The following FLACC1 variants were observed in gnomAD, a reference collection of about 807,000 sequenced individuals.
The protein encoded by FLACC1 is flagellum-associated coiled-coil domain-containing protein 1.
Under a neutral mutation model 62.8 loss-of-function variants are expected in FLACC1, and 66 were observed. The observed-to-expected ratio is 1.05, with a 90% CI of 0.86 to 1.29. The LOEUF is 1.29. Ranked by LOEUF, FLACC1 falls within the 50% of genes most tolerant of loss-of-function variation. The pLI is 0.00. For missense variants in FLACC1, 452 were observed against 489.1 expected (o/e 0.92, Z 0.71); for synonymous variants, 156 against 161.0 (o/e 0.97, Z 0.24).
In FLACC1 at chr2:201,348,407, C is replaced by CCTGA. The variant is rs1211848242; in HGVS notation, c.186-109_186-106dup. 5.7e-5 allele frequency: 68 copies of CCTGA among 1,193,358 alleles called. 1 individual carries two copies. The highest frequency in any genetic ancestry group is 1.3e-5 in the Non-Finnish European group (11 of 848,956). The allele number at this position is 1,193,358 out of a possible 1,614,324, so 73.9% of individuals were successfully genotyped here. A position where few individuals can be genotyped will look rare whatever the true frequency, so the allele number is the denominator to read the frequency against. On this transcript the variant is annotated intron_variant, in intron 3 of 14. Transcript: ENST00000392257. ...CCACCATCTGACTTCTGCTCTCTGA[C>CCTGA]CTGACCTTCTTAGGGGATCCCTAGG...
intron 11 of FLACC1, among the ~76,000 whole-genome samples, chr2:201,304,721 G>T (rs1452854260): frequency 6.6e-6 from 1 of 152,134 alleles, no homozygotes; most frequent in Non-Finnish European, 1.5e-5. Flanking sequence ...CATGGTACTG[G>T]TACCAAAACA....
chr2:201,326,276 C>T lies in FLACC1; in HGVS notation c.675+4194G>A, dbSNP rs1424872977. ...GAACAAGACAAGATGGCCACCTTCACTTTCACCACTCTCATTCAACATAGT... is the reference window on the plus strand; with the variant it reads ...GAACAAGACAAGATGGCCACCTTCATTTTCACCACTCTCATTCAACATAGT... On this transcript the variant is annotated intron_variant, in intron 9 of 14. Coordinates refer to ENST00000392257, the MANE Select transcript of FLACC1 (RefSeq NM_001127391.3). The surrounding 1 kb of genome is among the most constrained non-coding windows in gnomAD (Gnocchi z 4.1). 1.3e-5 allele frequency among the ~76,000 whole-genome samples: 2 copies of T among 152,168 alleles called. No individual in the cohort carries two copies. Among genetic ancestry groups the T allele is most frequent in the East Asian group, 1.9e-4 (1 of 5,198 alleles).
intron 9 of FLACC1, among the ~76,000 whole-genome samples, chr2:201,313,759 C>T (rs1009305870): frequency 2.0e-5 from 3 of 152,136 alleles, no homozygotes; most frequent in African/African-American, 7.2e-5. Flanking sequence ...CCAACCAGCA[C>T]AAAAATAGTG....
intron 9 of FLACC1, among the ~76,000 whole-genome samples, chr2:201,320,713 C>T (rs1485372634): frequency 1.3e-5 from 2 of 152,210 alleles, no homozygotes; most frequent in East Asian, 3.9e-4. Flanking sequence ...CGCAAGCCCA[C>T]CTGAACCAAC....
chr2:201,311,410 A>T (rs1420297136), intron 9 of FLACC1, among the ~76,000 whole-genome samples: 1 of 152,186 alleles, frequency 6.6e-6, no homozygotes, highest in African/African-American at 2.4e-5. Flanking sequence ...TGCAAATTGA[A>T]TCCAGCTACA....
chr2:201,289,371 G>GTCTA, intron 14 of FLACC1, 86 bp downstream of exon 14: 1 of 1,269,792 alleles, frequency 7.9e-7, no homozygotes, highest in South Asian at 1.3e-5. Context: ...GGAGCAGTTG[G>GTCTA]TCTATCTTCC....
rs574739129 is a variant in FLACC1 at position 201,302,284 on chromosome 2, G to A, written c.880-2984C>T. Reference sequence around the variant, plus strand: ...AAAAAAGGCAGGGGTTGCAATCCTAGTCTCTGATAAAACAGACTTTAAACC... The same window carrying A: ...AAAAAAGGCAGGGGTTGCAATCCTAATCTCTGATAAAACAGACTTTAAACC... On this transcript the variant is annotated intron_variant, in intron 11 of 14. Transcript: ENST00000392257. 2.1e-4 allele frequency among the ~76,000 whole-genome samples: 32 copies of A among 152,258 alleles called. 1 individual carries two copies. Among genetic ancestry groups the A allele is most frequent in the African/African-American group, 6.7e-4 (28 of 41,542 alleles).
chr2:201,348,735 G>C (rs959135177), intron 3 of FLACC1, among the ~76,000 whole-genome samples: 2 of 151,924 alleles, frequency 1.3e-5, no homozygotes, highest in Non-Finnish European at 2.9e-5. Context: ...AAATGTTCCA[G>C]AAAATGAAAT....
At chr2:201,296,806 C>A (rs1287191822) in intron 12 of FLACC1, among the ~76,000 whole-genome samples, 1 of 152,072 alleles carries the variant, frequency 6.6e-6, no homozygotes, top group Non-Finnish European at 1.5e-5. Flanking sequence ...AACCTAAGAA[C>A]AATGGGGACC....
At chr2:201,321,643 C>G (rs907437965) in intron 9 of FLACC1, among the ~76,000 whole-genome samples, 1 of 152,124 alleles carries the variant, frequency 6.6e-6, no homozygotes, top group African/African-American at 2.4e-5. Flanking sequence ...GTATGAGAGA[C>G]GTTCACAATT....
intron 12 of FLACC1, among the ~76,000 whole-genome samples, chr2:201,292,959 CAAG>C (rs1949771958): frequency 6.6e-6 from 1 of 152,148 alleles, no homozygotes; most frequent in Non-Finnish European, 1.5e-5. Flanking sequence ...ATTAATTCAA[CAAG>C]AAGAGCTAAC....
chr2:201,363,286 T>C, the FLACC1 span, among the ~76,000 whole-genome samples: 1 of 151,912 alleles, frequency 6.6e-6, no homozygotes, highest in East Asian at 1.9e-4. Context: ...GTATAGATTG[T>C]GGTGCAAGGG....
chr2:201,351,527 C>A, intron 1 of FLACC1, 76 bp from the exon 2 acceptor site: 1 of 701,044 alleles, frequency 1.4e-6, no homozygotes, highest in Non-Finnish European at 2.4e-6. Context: ...TGGGAAGAAC[C>A]CAGGGAGGAC....
At chr2:201,309,307 A>G (rs1161597972) in intron 9 of FLACC1, 57 bp from the exon 10 acceptor site, 7 of 1,358,188 alleles carry the variant, frequency 5.2e-6, no homozygotes, top group Non-Finnish European at 7.4e-6. Context: ...GGTGACCTGG[A>G]GAGGCTGTAA....
At chr2:201,357,821 AGCT>A (rs1951143636), upstream of FLACC1, among the ~76,000 whole-genome samples, 1 of 152,086 alleles carries the variant, frequency 6.6e-6, no homozygotes, top group African/African-American at 2.4e-5. Flanking sequence ...TTTTAAATAA[AGCT>A]GCTTTTTCTT....
At chr2:201,341,926 ACTTT>A (rs1950818610) in intron 7 of FLACC1, among the ~76,000 whole-genome samples, 1 of 151,984 alleles carries the variant, frequency 6.6e-6, no homozygotes, top group Non-Finnish European at 1.5e-5. Flanking sequence ...ATTCTCTTAT[ACTTT>A]CTTCCTATTT....
At chr2:201,330,264 C>T (rs1950564996) in intron 9 of FLACC1, among the ~76,000 whole-genome samples, 1 of 152,094 alleles carries the variant, frequency 6.6e-6, no homozygotes. Context: ...TTCAGTAGTG[C>T]TCTTCAGGAT....
rs372449513 is a variant in FLACC1, at chr2:201,342,449, A to G, written c.463-18T>C. 7 of 1,613,808 alleles carry G rather than the reference A, an allele frequency of 4.3e-6. No individual in the cohort carries two copies. Among genetic ancestry groups the G allele is most frequent in the Non-Finnish European group, 5.9e-6 (7 of 1,179,810 alleles). Reference sequence around the variant, plus strand: ...CTGGAGAGCTGGAAACAAAATCAGCATCTACAACACAGGACTGAGGACCCT... The same window carrying G: ...CTGGAGAGCTGGAAACAAAATCAGCGTCTACAACACAGGACTGAGGACCCT... On this transcript the variant is annotated intron_variant, in intron 6 of 14. Transcript: ENST00000392257.
chr2:201,305,395 C>T (rs1950081498), intron 11 of FLACC1, among the ~76,000 whole-genome samples: 1 of 152,184 alleles, frequency 6.6e-6, no homozygotes, highest in African/African-American at 2.4e-5. Flanking sequence ...TGCCATCTCA[C>T]ACCAGTTAGA....
Sources: allele counts gnomAD v4.1 joint callset (sites outside exome capture counted in the v4.1 genomes callset), GRCh38; gene constraint gnomAD v4.1.1; non-coding constraint Gnocchi (gnomAD v3.1); transcripts MANE v1.5; gene names NCBI Gene and HGNC (gene_info 2026-07-23, HGNC 2026-07-21).